The following CDH18 variants were observed in gnomAD, a reference collection of about 807,000 sequenced individuals.
CDH18 encodes cadherin 18, also known as cadherin-18.
Under a neutral mutation model 67.9 loss-of-function variants are expected in CDH18, and 31 were observed. The ratio of observed to expected loss-of-function variants is 0.46; its 90% CI spans 0.34 to 0.62. The LOEUF (loss-of-function observed/expected upper bound fraction) is 0.62. Among genes scored for constraint, CDH18 ranks in the 20% least tolerant of loss-of-function variants. CDH18 has a pLI of 0.01. For synonymous variants in CDH18, 362 were observed against 347.2 expected (o/e 1.04, Z -0.48); for missense variants, 890 against 975.5 (o/e 0.91, Z 1.17).
chr5:20,210,170 G>A (rs931048323), intron 2 of CDH18, among the ~76,000 whole-genome samples: 2 of 151,520 alleles, frequency 1.3e-5, no homozygotes, highest in African/African-American at 4.8e-5. Context: ...GCCTTTTCCA[G>A]AACCTACAAG....
intron 1 of CDH18, among the ~76,000 whole-genome samples, chr5:20,424,736 G>C: frequency 1.1e-5 from 1 of 88,052 alleles, no homozygotes; most frequent in East Asian, 3.8e-4. Flanking sequence ...AATAGAGCAA[G>C]ACTCTGTCTA....
At chr5:19,491,161 G>A (rs1342344769) in intron 11 of CDH18, among the ~76,000 whole-genome samples, 1 of 152,142 alleles carries the variant, frequency 6.6e-6, no homozygotes, top group Admixed American at 6.5e-5. Flanking sequence ...GGAGAAAGGA[G>A]AGCCACTGTA....
intron 4 of CDH18, among the ~76,000 whole-genome samples, chr5:19,734,414 T>C (rs1392328150): frequency 6.6e-6 from 1 of 152,218 alleles, no homozygotes; most frequent in Non-Finnish European, 1.5e-5. Flanking sequence ...ATTTTGTTTT[T>C]GTTCCCCTGT....
chr5:20,277,980 G>A (rs1226903611), intron 1 of CDH18, among the ~76,000 whole-genome samples: 1 of 152,012 alleles, frequency 6.6e-6, no homozygotes, highest in Non-Finnish European at 1.5e-5. Context: ...GGAGAAAAAT[G>A]CAAAAAGAAT....
chr5:19,815,627 A>G (rs867054078), intron 3 of CDH18, among the ~76,000 whole-genome samples: 1 of 152,064 alleles, frequency 6.6e-6, no homozygotes, highest in South Asian at 2.1e-4. Flanking sequence ...AGTGATAGTG[A>G]TGATGAGAGA....
chr5:19,589,206 A>G (rs576126613), intron 7 of CDH18, among the ~76,000 whole-genome samples: 1 of 152,188 alleles, frequency 6.6e-6, no homozygotes, highest in Non-Finnish European at 1.5e-5. Context: ...CCTTTAGCCG[A>G]ATCCAATCAA....
At chr5:20,358,915 A>G (rs943527346) in intron 1 of CDH18, among the ~76,000 whole-genome samples, 6 of 149,150 alleles carry the variant, frequency 4.0e-5, no homozygotes, top group African/African-American at 1.2e-4. Context: ...GGAGTGATGC[A>G]TTGGCCTTTT....
rs1303281861 is a variant in CDH18 at position 19,832,847 on chromosome 5, G to A, written c.228+5912C>T. On this transcript the variant is annotated intron_variant, in intron 3 of 12. Coordinates refer to ENST00000382275, the MANE Select transcript of CDH18 (RefSeq NM_004934.5). Reference sequence around the variant, plus strand: ...AAGATCAGATGGTTGCAGATGTGTGGTGTTATTTCTGAGGTCTCTGTTCTG... The same window carrying A: ...AAGATCAGATGGTTGCAGATGTGTGATGTTATTTCTGAGGTCTCTGTTCTG... 3.9e-5 allele frequency among the ~76,000 whole-genome samples: 6 copies of A among 151,974 alleles called. No homozygotes were observed. In the East Asian group the frequency reaches 1.2e-3, roughly 29 times the overall value.
intron 1 of CDH18, among the ~76,000 whole-genome samples, chr5:20,444,333 A>G (rs2150196017): frequency 6.6e-6 from 1 of 152,320 alleles, no homozygotes; most frequent in Non-Finnish European, 1.5e-5. Flanking sequence ...AGGTGTGAGG[A>G]ATCTTTAGCA....
chr5:20,252,289 T>C (rs1483781028), intron 2 of CDH18, among the ~76,000 whole-genome samples: 1 of 151,764 alleles, frequency 6.6e-6, no homozygotes, highest in Non-Finnish European at 1.5e-5. Flanking sequence ...AGATGGAGGT[T>C]GCAGTGAGCC....
chr5:20,184,214 T>G (rs998389657), intron 2 of CDH18, among the ~76,000 whole-genome samples: 1 of 152,050 alleles, frequency 6.6e-6, no homozygotes, highest in African/African-American at 2.4e-5. Context: ...TAAATATATT[T>G]TAAGGCACAG....
At chr5:19,655,997 T>TC (rs1356454696) in intron 5 of CDH18, among the ~76,000 whole-genome samples, 4 of 149,726 alleles carry the variant, frequency 2.7e-5, no homozygotes, top group African/African-American at 9.8e-5. Context: ...TTTTTTTTTT[T>TC]TTTTTTTTTT....
intron 1 of CDH18, among the ~76,000 whole-genome samples, chr5:20,391,663 T>C (rs1001030390): frequency 6.6e-6 from 1 of 152,016 alleles, no homozygotes; most frequent in Admixed American, 6.6e-5. Context: ...ATTGACATTG[T>C]TTGCAGACAA....
At position 19,494,260 on chromosome 5, in the gene CDH18, C is replaced by T. The variant is rs142024369; in HGVS notation, c.1630+8732G>A. On this transcript the variant is annotated intron_variant, in intron 11 of 12. Transcript: ENST00000382275. ...TATGTTTTAGTTATCTTCAATGTGCCTATTATGACTCATTACATTGCATGT... is the reference window on the plus strand; with the variant it reads ...TATGTTTTAGTTATCTTCAATGTGCTTATTATGACTCATTACATTGCATGT... Among the ~76,000 whole-genome samples the T allele has an allele frequency of 1.5e-4, 23 of 152,148 alleles. No individual in the cohort carries two copies. In the East Asian group the frequency reaches 1.9e-3, roughly 13 times the overall value.
At chr5:20,037,578 C>T (rs888087410) in intron 2 of CDH18, among the ~76,000 whole-genome samples, 5 of 152,078 alleles carry the variant, frequency 3.3e-5, no homozygotes, top group Non-Finnish European at 5.9e-5. Context: ...TATATGGAAA[C>T]TGAACAGCCT....
At chr5:20,272,814 A>G (rs1043526986) in intron 1 of CDH18, among the ~76,000 whole-genome samples, 1 of 152,054 alleles carries the variant, frequency 6.6e-6, no homozygotes, top group African/African-American at 2.4e-5. Flanking sequence ...TTGAGGATGC[A>G]ACCACTGCAA....
Position 20,144,731 on chromosome 5 carries a change from C to T in CDH18, c.-518+110713G>A, listed in dbSNP as rs984430855. Among the ~76,000 whole-genome samples the T allele has an allele frequency of 7.2e-5, 11 of 152,176 alleles. No individual in the cohort carries two copies. The East Asian group carries it at 7.7e-4, about 11-fold the overall frequency. On this transcript the variant is annotated intron_variant, in intron 2 of 14. Coordinates refer to the CDH18 transcript ENST00000507958. ...GCAAAAATGTATGGATTAAAGTCAACGCCAGTAAGTCAAAATGTGACTTTC... is the reference window on the plus strand; with the variant it reads ...GCAAAAATGTATGGATTAAAGTCAATGCCAGTAAGTCAAAATGTGACTTTC...
intron 2 of CDH18, among the ~76,000 whole-genome samples, chr5:20,200,576 T>C (rs1739373407): frequency 6.6e-6 from 1 of 152,022 alleles, no homozygotes; most frequent in Non-Finnish European, 1.5e-5. Context: ...CTGAGGAGGC[T>C]GAGGTAAAGG....
intron 2 of CDH18, among the ~76,000 whole-genome samples, chr5:19,884,310 A>T (rs563086349): frequency 5.9e-5 from 9 of 152,230 alleles, no homozygotes; most frequent in African/African-American, 2.2e-4. Context: ...TCTGAGGTAA[A>T]CTTAAGACCT....
Sources: allele counts gnomAD v4.1 joint callset (sites outside exome capture counted in the v4.1 genomes callset), GRCh38; gene constraint gnomAD v4.1.1; transcripts MANE v1.5; gene names NCBI Gene and HGNC (gene_info 2026-07-23, HGNC 2026-07-21).